The following OSBP2 variants were observed in gnomAD, a reference collection of about 807,000 sequenced individuals.
The protein encoded by OSBP2 is oxysterol-binding protein 2.
In OSBP2, 66 loss-of-function variants were observed where a neutral mutation model predicts 96.0. That is an observed-to-expected ratio of 0.69 (90% CI 0.56 to 0.84). OSBP2 has a LOEUF of 0.84. Ranked by LOEUF, OSBP2 falls within the 40% of genes least tolerant of loss-of-function variation. The pLI is 0.00. For synonymous variants in OSBP2, 525 were observed against 520.9 expected, an observed-to-expected ratio of 1.01 and a Z score of -0.11; for missense variants, 1,038 against 1,222.7, an observed-to-expected ratio of 0.85 and a Z score of 2.25.
At chr22:30,866,360 T>C (rs1214276284) in intron 2 of OSBP2, among the ~76,000 whole-genome samples, 1 of 152,208 alleles carries the variant, frequency 6.6e-6, no homozygotes, top group Non-Finnish European at 1.5e-5. Context: ...AAGCAACGCC[T>C]TCTCCCCTGG....
intron 2 of OSBP2, among the ~76,000 whole-genome samples, chr22:30,826,472 C>T (rs1045761671): frequency 3.9e-5 from 6 of 152,180 alleles, no homozygotes; most frequent in Admixed American, 2.0e-4. Context: ...TCCTTGCAGG[C>T]GCAATGCCCA....
chr22:30,717,460 G>GA (rs2089481297), intron 1 of OSBP2, among the ~76,000 whole-genome samples: 1 of 152,146 alleles, frequency 6.6e-6, no homozygotes, highest in Non-Finnish European at 1.5e-5. Context: ...ACACTAAGGG[G>GA]AAATGACACA....
At chr22:30,832,364 C>T (rs2038541514) in intron 2 of OSBP2, among the ~76,000 whole-genome samples, 1 of 151,372 alleles carries the variant, frequency 6.6e-6, no homozygotes. Flanking sequence ...GATCATGGCT[C>T]ACTGCAGCCT....
intron 2 of OSBP2, among the ~76,000 whole-genome samples, chr22:30,819,180 C>T (rs6518716): frequency 0.048 from 7,231 of 152,204 alleles, 576 homozygotes; most frequent in African/African-American, 0.17. Flanking sequence ...ACTAAAACTA[C>T]GAAAATTAGC....
At chr22:30,802,798 G>C (rs1333414262) in intron 2 of OSBP2, among the ~76,000 whole-genome samples, 1 of 152,220 alleles carries the variant, frequency 6.6e-6, no homozygotes, top group Non-Finnish European at 1.5e-5. Context: ...TCCTCGGGCG[G>C]TGGGGAGGAG....
At chr22:30,721,252 A>C (rs1216866239) in intron 1 of OSBP2, among the ~76,000 whole-genome samples, 1 of 152,058 alleles carries the variant, frequency 6.6e-6, no homozygotes, top group Non-Finnish European at 1.5e-5. Context: ...CCAAAACAAA[A>C]CAAAAAAACA....
At chr22:30,826,179 G>A (rs1354538760) in intron 2 of OSBP2, among the ~76,000 whole-genome samples, 4 of 152,128 alleles carry the variant, frequency 2.6e-5, no homozygotes, top group African/African-American at 9.7e-5. Flanking sequence ...TGGAGGACAC[G>A]GGGTCCTTCA....
At chr22:30,746,114 C>G (rs1208076313) in intron 2 of OSBP2, among the ~76,000 whole-genome samples, 1 of 152,030 alleles carries the variant, frequency 6.6e-6, no homozygotes, top group Non-Finnish European at 1.5e-5. Context: ...GTGAATTCTA[C>G]CAAACATTTA....
chr22:30,904,706 G>C (rs2040290835), intron 12 of OSBP2, among the ~76,000 whole-genome samples: 1 of 152,120 alleles, frequency 6.6e-6, no homozygotes, highest in African/African-American at 2.4e-5. Context: ...CTCAACAACT[G>C]TTCTCTTCAA....
intron 1 of OSBP2, among the ~76,000 whole-genome samples, chr22:30,730,774 C>CTCTCTCTCTCTA (rs1569100458): frequency 6.5e-4 from 9 of 13,836 alleles, no homozygotes; most frequent in East Asian, 1.7e-3. Context: ...CTCTCTCTCT[C>CTCTCTCTCTCTA]TATATATATA....
rs746490863 is a variant in OSBP2 at position 30,889,191 on chromosome 22, G to T, written c.1433G>T (p.Gly478Val). ...TGTATTTCCAGCAGAAAAGCTGAAG[G>T]TAGCACCGGGACAAGTTCCGTGGAC... ...EAKEDSRKAE[G>V]STGTSSVDWS... The change falls in exon 6 of 14, where the codon GGT (glycine) becomes GTT (valine). Residue 478 changes from glycine (G) to valine (V), a missense_variant. This residue lies in a region of OSBP2 where 737 missense variants were observed against 913.3 expected (regional missense o/e 0.81). Transcript: ENST00000332585. The T allele has an allele frequency of 6.2e-7, 1 of 1,613,584 alleles. No individual in the cohort carries two copies. The highest frequency in any genetic ancestry group is 2.2e-5 in the East Asian group (1 of 44,868).
chr22:30,809,516 G>A (rs1013666187), intron 2 of OSBP2, among the ~76,000 whole-genome samples: 4 of 152,210 alleles, frequency 2.6e-5, no homozygotes, highest in African/African-American at 7.2e-5. Flanking sequence ...CGAAAGCCAG[G>A]CTATCTCAGG....
chr22:30,760,314 C>A (rs1324222139), intron 2 of OSBP2, among the ~76,000 whole-genome samples: 3 of 151,998 alleles, frequency 2.0e-5, no homozygotes, highest in Admixed American at 1.3e-4. Flanking sequence ...GGACAGCATA[C>A]CCTGATACCA....
At chr22:30,759,985 C>G (rs2090187274) in intron 2 of OSBP2, among the ~76,000 whole-genome samples, 1 of 152,018 alleles carries the variant, frequency 6.6e-6, no homozygotes, top group Non-Finnish European at 1.5e-5. Flanking sequence ...CCTCAGCCTC[C>G]TTAGTAGCTG....
chr22:30,822,583 C>T (rs1054906405), intron 2 of OSBP2: 19 of 1,519,684 alleles, frequency 1.3e-5, no homozygotes, highest in Non-Finnish European at 1.4e-5. Context: ...CCCCGGGACC[C>T]GGCGCCATGT....
intron 1 of OSBP2, among the ~76,000 whole-genome samples, chr22:30,708,650 G>A (rs1404640074): frequency 6.7e-6 from 1 of 150,228 alleles, no homozygotes; most frequent in Non-Finnish European, 1.5e-5. Context: ...CATCATGCCC[G>A]GCTAAGTTTT....
At chr22:30,783,149 GT>G (rs1354881854) in intron 2 of OSBP2, among the ~76,000 whole-genome samples, 3 of 145,070 alleles carry the variant, frequency 2.1e-5, no homozygotes, top group Admixed American at 1.4e-4. Context: ...CCAGGAACCT[GT>G]GTGCATATGG....
chr22:30,723,086 C>T (rs1485715754), intron 1 of OSBP2, among the ~76,000 whole-genome samples: 2 of 150,684 alleles, frequency 1.3e-5, no homozygotes, highest in South Asian at 4.2e-4. Flanking sequence ...ACCACACCTG[C>T]CTCAAATAAC....
intron 1 of OSBP2, among the ~76,000 whole-genome samples, chr22:30,705,187 T>C (rs2089232230): frequency 6.6e-6 from 1 of 152,346 alleles, no homozygotes; most frequent in South Asian, 2.1e-4. Context: ...CAGACACTTG[T>C]CTGATCTAGA....
Sources: allele counts gnomAD v4.1 joint callset (sites outside exome capture counted in the v4.1 genomes callset), GRCh38; gene constraint gnomAD v4.1.1; regional missense constraint gnomAD v4.1.1; transcripts MANE v1.5; gene names NCBI Gene and HGNC (gene_info 2026-07-23, HGNC 2026-07-21).